Variants in NUTF2 observed in about 807,000 individuals in gnomAD.
NUTF2 encodes the protein placental protein 15.
Under a neutral mutation model 18.5 loss-of-function variants are expected in NUTF2, and 3 were observed. That is an observed-to-expected ratio of 0.16 (90% CI 0.07 to 0.42). The LOEUF is 0.42. Ranked by LOEUF, NUTF2 falls within the 10% of genes least tolerant of loss-of-function variation. NUTF2 has a pLI of 0.99. For synonymous variants in NUTF2, 51 were observed against 57.9 expected, an observed-to-expected ratio of 0.88 and a Z score of 0.54; for missense variants, 44 against 160.7, an observed-to-expected ratio of 0.27 and a Z score of 3.93.
At chr16:67,858,874 CTTT>C (rs1207363589) in intron 1 of NUTF2, among the ~76,000 whole-genome samples, 3 of 140,228 alleles carry the variant, frequency 2.1e-5, no homozygotes, top group Non-Finnish European at 4.7e-5. Flanking sequence ...CTTCAGGACA[CTTT>C]TTTTTTTTTT....
At chr16:67,854,807 G>T (rs572410117) in intron 1 of NUTF2, among the ~76,000 whole-genome samples, 7 of 152,150 alleles carry the variant, frequency 4.6e-5, no homozygotes, top group African/African-American at 7.2e-5. Context: ...AATTAGCAGG[G>T]CATGGTGGCA....
chr16:67,861,758 C>T (rs967152632), intron 1 of NUTF2, among the ~76,000 whole-genome samples: 11 of 152,260 alleles, frequency 7.2e-5, no homozygotes, highest in East Asian at 1.9e-4. Context: ...CCTCTGAGCC[C>T]GGGCTTTTTT....
intron 1 of NUTF2, among the ~76,000 whole-genome samples, chr16:67,848,588 T>TA (rs1306689254): frequency 2.1e-5 from 3 of 145,796 alleles, no homozygotes; most frequent in African/African-American, 7.7e-5. Flanking sequence ...GTCTCCAAAA[T>TA]AAAAAAAGCT....
Position 67,853,233 on chromosome 16 carries a change from A to G in NUTF2, c.-30+6248A>G, listed in dbSNP as rs996652652. Among the ~76,000 whole-genome samples, 5 of 152,228 alleles carry G rather than the reference A, an allele frequency of 3.3e-5. No homozygotes were observed. The East Asian group carries it at 9.7e-4, about 30-fold the overall frequency. ...GTCTGCAGTGAGCTGTGATTGTGGC[A>G]CTGCTAAAGTGCAGTTGGTGCCATC... On this transcript the variant is annotated intron_variant, in intron 1 of 4. Transcript: ENST00000219169.
intron 1 of NUTF2, among the ~76,000 whole-genome samples, chr16:67,863,504 A>G (rs937052594): frequency 1.3e-5 from 2 of 152,190 alleles, no homozygotes; most frequent in African/African-American, 4.8e-5. Flanking sequence ...GGGCGAGGTC[A>G]CACGGACTGG....
chr16:67,854,015 ATC>A (rs1305350721), intron 1 of NUTF2, among the ~76,000 whole-genome samples: 3 of 150,854 alleles, frequency 2.0e-5, no homozygotes, highest in Non-Finnish European at 4.4e-5. Flanking sequence ...CAGTAGCATG[ATC>A]TCAGCTCACT....
intron 2 of NUTF2, 91 bp from the exon 3 acceptor site, chr16:67,868,249 C>A (rs1230001785): frequency 2.0e-5 from 24 of 1,183,334 alleles, no homozygotes; most frequent in Non-Finnish European, 2.8e-5. Flanking sequence ...CCACACTTCT[C>A]CAAGCAAGGC....
intron 1 of NUTF2, among the ~76,000 whole-genome samples, chr16:67,848,373 C>T (rs777265178): frequency 6.6e-6 from 1 of 152,142 alleles, no homozygotes; most frequent in South Asian, 2.1e-4. Flanking sequence ...ACCTGAGGTC[C>T]GGGGTTCCAG....
At chr16:67,854,368 T>TC (rs2057880866) in intron 1 of NUTF2, among the ~76,000 whole-genome samples, 1 of 152,188 alleles carries the variant, frequency 6.6e-6, no homozygotes, top group South Asian at 2.1e-4. Flanking sequence ...GTGGTACCCA[T>TC]CAGGGCATCT....
chr16:67,859,976 A>AT (rs200115806), intron 1 of NUTF2, among the ~76,000 whole-genome samples: 51 of 140,724 alleles, frequency 3.6e-4, no homozygotes, highest in East Asian at 1.9e-3. Context: ...ATATTTTATT[A>AT]TTTTTTTTTT....
intron 1 of NUTF2, among the ~76,000 whole-genome samples, chr16:67,861,074 G>A (rs534006852): frequency 2.6e-5 from 4 of 152,200 alleles, no homozygotes; most frequent in Non-Finnish European, 4.4e-5. Context: ...GATGTAGTCT[G>A]TTCTTGTCTC....
intron 1 of NUTF2, chr16:67,856,213 G>C (rs1001670742): frequency 3.7e-6 from 1 of 273,772 alleles, no homozygotes; most frequent in Admixed American, 4.7e-5. Flanking sequence ...GTTGTTTTTT[G>C]AGACAGTCTC....
intron 1 of NUTF2, among the ~76,000 whole-genome samples, chr16:67,853,183 G>A (rs1393065484): frequency 6.6e-6 from 1 of 152,166 alleles, no homozygotes; most frequent in Admixed American, 6.5e-5. Context: ...TGAGGCAAGA[G>A]GATCACTTCA....
At chr16:67,865,351 C>A in intron 2 of NUTF2, 122 bp downstream of exon 2, 1 of 653,244 alleles carries the variant, frequency 1.5e-6, no homozygotes, top group Non-Finnish European at 2.7e-6. Flanking sequence ...TGTATCTGAA[C>A]TTTTGTCCAC....
intron 1 of NUTF2, among the ~76,000 whole-genome samples, chr16:67,860,167 G>C (rs1276106485): frequency 1.3e-5 from 2 of 152,062 alleles, no homozygotes; most frequent in African/African-American, 4.8e-5. Flanking sequence ...TTTTAGTAGA[G>C]ACGGGGTTTC....
intron 1 of NUTF2, among the ~76,000 whole-genome samples, chr16:67,859,248 C>T (rs1480556424): frequency 1.3e-5 from 2 of 151,788 alleles, no homozygotes; most frequent in African/African-American, 4.8e-5. Context: ...GGGGTGTTCT[C>T]AGCACACTGC....
chr16:67,864,778 T>C (rs1287968577), intron 1 of NUTF2, among the ~76,000 whole-genome samples: 1 of 152,178 alleles, frequency 6.6e-6, no homozygotes, highest in Non-Finnish European at 1.5e-5. Flanking sequence ...CTCCCCTTAC[T>C]GGGCTTTCAA....
At chr16:67,849,270 A>C (rs912495511) in intron 1 of NUTF2, among the ~76,000 whole-genome samples, 1 of 152,240 alleles carries the variant, frequency 6.6e-6, no homozygotes, top group African/African-American at 2.4e-5. Context: ...TAGGACACAG[A>C]TTTCAGGTGA....
intron 1 of NUTF2, among the ~76,000 whole-genome samples, chr16:67,863,379 AGCTG>A (rs1000150548): frequency 2.6e-5 from 4 of 152,130 alleles, no homozygotes; most frequent in African/African-American, 9.7e-5. Flanking sequence ...CCTAAAATAA[AGCTG>A]GCTTAGCTTC....
Sources: allele counts gnomAD v4.1 joint callset (sites outside exome capture counted in the v4.1 genomes callset), GRCh38; gene constraint gnomAD v4.1.1; transcripts MANE v1.5; gene names NCBI Gene and HGNC (gene_info 2026-07-23, HGNC 2026-07-21).